Variants in PRDM10 observed in about 807,000 individuals in gnomAD.
PRDM10 encodes PR/SET domain 10.
In PRDM10, 65 loss-of-function variants were observed where a neutral mutation model predicts 133.1. The observed-to-expected ratio is 0.49, with a 90% CI of 0.40 to 0.60. The LOEUF (loss-of-function observed/expected upper bound fraction) is 0.60, where lower values mean the gene tolerates loss of function less well. PRDM10 is among the 20% of genes least tolerant of loss of function. PRDM10 has a pLI of 0.00. For synonymous variants in PRDM10, 582 were observed against 580.4 expected (o/e 1.00, Z -0.04); for missense variants, 1,137 against 1,507.1 (o/e 0.75, Z 4.07).
At chr11:129,970,662 A>G (rs1407089977) in intron 1 of PRDM10, among the ~76,000 whole-genome samples, 1 of 151,308 alleles carries the variant, frequency 6.6e-6, no homozygotes. Flanking sequence ...CTCCTGCCTC[A>G]GCCTCCTGAG....
At chr11:129,972,492 C>T (rs1286938511) in intron 1 of PRDM10, among the ~76,000 whole-genome samples, 1 of 152,246 alleles carries the variant, frequency 6.6e-6, no homozygotes, top group Non-Finnish European at 1.5e-5. Context: ...AAAGACACCT[C>T]TGTCCAGCTC....
intron 1 of PRDM10, among the ~76,000 whole-genome samples, chr11:129,974,752 C>A (rs1937661084): frequency 6.6e-6 from 1 of 152,212 alleles, no homozygotes; most frequent in Admixed American, 6.5e-5. Context: ...ACCCGATATG[C>A]TGCTCTTCAA....
rs1385945825 is a variant in PRDM10 at position 129,960,883 on chromosome 11, G to A, written c.69+13C>T. 2.5e-6 allele frequency: 4 copies of A among 1,613,922 alleles called. No homozygotes were observed. Among genetic ancestry groups the A allele is most frequent in the Middle Eastern group, 1.6e-4 (1 of 6,062 alleles). On this transcript the variant is annotated intron_variant, in intron 2 of 20. Transcript: ENST00000360871. ...AACCTCTCAATACCAAGCTGGAAAA[G>A]ACCAGTCTTCACCTGTGCGGCATTC...
rs190274955 is a variant in PRDM10 at position 129,928,452 on chromosome 11, C to T, written c.1530+2564G>A. Among the ~76,000 whole-genome samples the T allele has an allele frequency of 8.6e-5, 13 of 151,826 alleles. 1 individual carries two copies. Among genetic ancestry groups the T allele is most frequent in the Admixed American group, 5.9e-4 (9 of 15,266 alleles). On this transcript the variant is annotated intron_variant, in intron 11 of 20. Transcript: ENST00000360871. ...TTGCCCAGGCTGGAGTGCAGTGGCA[C>T]AATCACAGCTCACTGCAGCCTCGAC...
rs985760473 is a variant in PRDM10 at position 129,935,306 on chromosome 11, T to C, written c.1040-88A>G. ...GTCTGCGATCCCCACCATTCTTATC[T>C]TGCTGCAGCCCAAAGAGTTCATAAC... On this transcript the variant is annotated intron_variant, in intron 8 of 20. Coordinates refer to ENST00000360871, the MANE Select transcript of PRDM10 (RefSeq NM_199437.2). The C allele has an allele frequency of 7.3e-5, 69 of 941,338 alleles. No individual in the cohort carries two copies. The South Asian group carries it at 8.9e-4, about 12-fold the overall frequency. The allele number at this position is 941,338 out of a possible 1,614,324, so 58.3% of individuals were successfully genotyped here.
At position 129,972,635 on chromosome 11, in the gene PRDM10, C is replaced by T. The variant is rs1952056991; in HGVS notation, c.-118-11553G>A. 2.6e-5 allele frequency among the ~76,000 whole-genome samples: 4 copies of T among 152,312 alleles called. No homozygotes were observed. In the South Asian group the frequency reaches 8.3e-4, roughly 32 times the overall value. On this transcript the variant is annotated intron_variant, in intron 1 of 20. Coordinates refer to ENST00000360871, the MANE Select transcript of PRDM10 (RefSeq NM_199437.2). ...ATCAGAGGCTGAGACTTCTAACACT[C>T]TTACCCCAGGTCACAGTGTGGCCAC...
chr11:129,914,865 G>A lies in PRDM10; in HGVS notation c.2680C>T (p.Leu894=). 6.2e-7 allele frequency: 1 copy of A among 1,614,148 alleles called. No individual in the cohort carries two copies. Among genetic ancestry groups the A allele is most frequent in the Non-Finnish European group, 8.5e-7 (1 of 1,180,036 alleles). Residue 894 remains leucine (L), a synonymous_variant, in exon 17 of 21, where the codon CTG becomes TTG. Coordinates refer to ENST00000360871, the MANE Select transcript of PRDM10 (RefSeq NM_199437.2). ...ATGETVVTTD[L]LTQAMTELSQ... ...AGTTCTGTCATTGCTTGGGTGAGCA[G>A]GTCCGTCGTCACCACAGTCTCTCCA...
intron 1 of PRDM10, among the ~76,000 whole-genome samples, chr11:129,984,370 C>T (rs952675369): frequency 1.1e-4 from 17 of 152,198 alleles, no homozygotes; most frequent in Non-Finnish European, 2.4e-4. Context: ...TTAAACAAAA[C>T]CTTCCCTTGA....
At chr11:129,910,807 A>C in intron 18 of PRDM10, 151 bp from the exon 19 acceptor site, 3 of 811,546 alleles carry the variant, frequency 3.7e-6, no homozygotes, top group Non-Finnish European at 3.6e-6. Flanking sequence ...ATGGAGTTTC[A>C]CTCTTATTGC....
In PRDM10 at chr11:129,944,809, T is replaced by C; in HGVS notation, c.724A>G (p.Arg242Gly). 6.2e-7 allele frequency: 1 copy of C among 1,613,874 alleles called. No homozygotes were observed. The highest frequency in any genetic ancestry group is 1.1e-5 in the South Asian group (1 of 91,076). The change falls in exon 6 of 21, where the codon AGG (arginine) becomes GGG (glycine). Residue 242 changes from arginine to glycine, a missense_variant. Physicochemically the swap from Arg to Gly is moderately radical, Grantham distance 125. Coordinates refer to ENST00000360871, the MANE Select transcript of PRDM10 (RefSeq NM_199437.2). ...TAACAGTCTTTCAGCTCCGAGCCCC[T>C]GACGAGAGGCCCCTCCACGGGGCCA... is the stretch of plus-strand genomic sequence containing the variant. Reference protein sequence around the residue: ...QFGPVEGPLVRGSELKDCYIH... With the variant: ...QFGPVEGPLVGGSELKDCYIH...
intron 1 of PRDM10, among the ~76,000 whole-genome samples, chr11:129,977,124 C>T (rs1445952678): frequency 6.6e-6 from 1 of 152,056 alleles, no homozygotes; most frequent in African/African-American, 2.4e-5. Flanking sequence ...TTGCTCATTC[C>T]ACTGTCCAGG....
In PRDM10 at chr11:129,918,599, G is replaced by C; in HGVS notation, c.2154C>G (p.Tyr718Ter). ...GGCGGCACTTGAACGTGAAGCTGTCGTAGTCTGTGGACGTGATGCGGGGCT... is the reference window on the plus strand; with the variant it reads ...GGCGGCACTTGAACGTGAAGCTGTCCTAGTCTGTGGACGTGATGCGGGGCT... ...TFKPRITSTD[Y>*]DSFTFKCRLC... The change falls in exon 14 of 21, where the codon TAC becomes TAG. Residue 718 changes from tyrosine to a stop codon, truncating the protein, a stop_gained. Coordinates refer to ENST00000360871, the MANE Select transcript of PRDM10 (RefSeq NM_199437.2). LOFTEE classifies it high-confidence loss of function. This position sits in a 1 kb window ranked among gnomAD's most constrained non-coding sequence, Gnocchi z 5.3. 1 of 1,614,196 alleles carries C rather than the reference G, an allele frequency of 6.2e-7. No individual in the cohort carries two copies. Among genetic ancestry groups the C allele is most frequent in the Non-Finnish European group, 8.5e-7 (1 of 1,180,024 alleles).
intron 11 of PRDM10, 54 bp downstream of exon 11, chr11:129,930,962 G>C: frequency 6.4e-7 from 1 of 1,550,486 alleles, no homozygotes; most frequent in Non-Finnish European, 8.7e-7. Flanking sequence ...GAGAGCTGGT[G>C]GTGGGAGGAA....
chr11:129,954,787 C>T (rs1219855062), intron 4 of PRDM10, among the ~76,000 whole-genome samples: 1 of 152,176 alleles, frequency 6.6e-6, no homozygotes, highest in Non-Finnish European at 1.5e-5. Context: ...ATCCTCCCAC[C>T]TTAGCCTCCC....
chr11:129,988,646 T>C (rs1938557229), intron 1 of PRDM10, among the ~76,000 whole-genome samples: 6 of 152,140 alleles, frequency 3.9e-5, no homozygotes, highest in Admixed American at 3.9e-4. Context: ...ACTTTTTTTT[T>C]TGAGACGGAA....
chr11:129,959,087 GC>G lies in PRDM10; in HGVS notation c.70-1178del, dbSNP rs550165153. On this transcript the variant is annotated intron_variant, in intron 2 of 20. Transcript: ENST00000360871. Reference sequence around the variant, plus strand: ...AGGGTGGAATCCTTGCTCTTATACTGCCTTGGCTTTGGACCTAACTTTTTAA... The same window carrying G: ...AGGGTGGAATCCTTGCTCTTATACTGCTTGGCTTTGGACCTAACTTTTTAA... 1.4e-4 allele frequency among the ~76,000 whole-genome samples: 21 copies of G among 152,304 alleles called. No homozygotes were observed. The South Asian group carries it at 3.7e-3, about 27-fold the overall frequency.
chr11:129,961,914 A>G (rs1362342554), intron 1 of PRDM10, among the ~76,000 whole-genome samples: 1 of 152,084 alleles, frequency 6.6e-6, no homozygotes, highest in Non-Finnish European at 1.5e-5. Context: ...TCGTGAGGAG[A>G]ATGAGTTTCT....
At chr11:130,002,194 G>C (rs1297435020) in intron 1 of PRDM10, among the ~76,000 whole-genome samples, 1 of 147,796 alleles carries the variant, frequency 6.8e-6, no homozygotes, top group African/African-American at 2.4e-5. Flanking sequence ...AGACCTGCCC[G>C]CCGCGCCCGG....
Position 129,923,818 on chromosome 11 carries a change from T to C in PRDM10, c.1879-415A>G, listed in dbSNP as rs926539483. The stretch of plus-strand genomic sequence containing the variant: ...CTATAGGAAGACAAAAACCAATTCT[T>C]CCTTACTTTTCTCCGTCTTTAATCT... On this transcript the variant is annotated intron_variant, in intron 12 of 20. Coordinates refer to ENST00000360871, the MANE Select transcript of PRDM10 (RefSeq NM_199437.2). The surrounding 1 kb of genome is among the most constrained non-coding windows in gnomAD (Gnocchi z 4.4). Among the ~76,000 whole-genome samples, 2 of 152,254 alleles carry C rather than the reference T, an allele frequency of 1.3e-5. No homozygotes were observed.
Sources: gnomAD v4.1 joint callset for allele counts (sites outside exome capture counted in the v4.1 genomes callset) on GRCh38, gnomAD v4.1.1 for gene constraint, Gnocchi (gnomAD v3.1) non-coding constraint, MANE v1.5 for transcripts, NCBI Gene and HGNC (gene_info 2026-07-23, HGNC 2026-07-21) for gene names.